NCOR2: variants seen among roughly 807,000 people sequenced by gnomAD.
The protein encoded by NCOR2 is CTG repeat protein 26.
Under a neutral mutation model 262.9 loss-of-function variants are expected in NCOR2, and 81 were observed. The observed-to-expected ratio is 0.31, with a 90% CI of 0.26 to 0.37. NCOR2 has a LOEUF of 0.37. NCOR2 is among the 10% of genes least tolerant of loss of function. The pLI, the probability that NCOR2 is intolerant of heterozygous loss-of-function variation, is 1.00. For synonymous variants in NCOR2, 1,659 were observed against 1,559.3 expected (o/e 1.06, Z -1.51); for missense variants, 3,385 against 3,621.4 (o/e 0.93, Z 1.68).
chr12:124,352,424 A>T (rs989028685), intron 27 of NCOR2, among the ~76,000 whole-genome samples: 1 of 133,864 alleles, frequency 7.5e-6, no homozygotes, highest in Non-Finnish European at 1.6e-5. Context: ...CCCAGGCTGG[A>T]GTGCAGAACA....
Position 124,362,333 on chromosome 12 carries a change from G to C in NCOR2, c.2929-36C>G, listed in dbSNP as rs774460500. 5.3e-6 allele frequency: 7 copies of C among 1,332,080 alleles called. No homozygotes were observed. In the Admixed American group the frequency reaches 1.8e-4, roughly 35 times the overall value. The allele number at this position is 1,332,080 out of a possible 1,614,324, so 82.5% of individuals were successfully genotyped here. A position where few individuals can be genotyped will look rare whatever the true frequency, so the allele number is the denominator to read the frequency against. The stretch of plus-strand genomic sequence containing the variant: ...CAGGCAGAAGTGAGCATTCACAGAG[G>C]GTGTCTGAAAGTGACAGGGTCAGGG... On this transcript the variant is annotated intron_variant, in intron 21 of 46. Coordinates refer to ENST00000405201, the Ensembl canonical transcript of NCOR2.
intron 6 of NCOR2, among the ~76,000 whole-genome samples, chr12:124,450,250 C>T (rs776949299): frequency 2.0e-5 from 3 of 152,240 alleles, no homozygotes; most frequent in Non-Finnish European, 4.4e-5. Context: ...ACCATGGAAA[C>T]GCGCGTCCCA....
intron 7 of NCOR2, among the ~76,000 whole-genome samples, chr12:124,446,817 A>C (rs2045204008): frequency 6.6e-6 from 1 of 152,262 alleles, no homozygotes; most frequent in Non-Finnish European, 1.5e-5. Context: ...AGGACAAATC[A>C]GTTCCAACAA....
chr12:124,356,770 T>C, exon 23 of NCOR2: 1 of 1,481,196 alleles, frequency 6.8e-7, no homozygotes, highest in Non-Finnish European at 8.9e-7. Context: ...CTTCTGGGCC[T>C]CGGCTGCGAA....
chr12:124,499,040 G>A (rs984612827), upstream of NCOR2, among the ~76,000 whole-genome samples: 7 of 152,256 alleles, frequency 4.6e-5, no homozygotes, highest in African/African-American at 1.7e-4. Flanking sequence ...GTGATGCAAA[G>A]GTTTTGAAAC....
In NCOR2 at chr12:124,503,896, G is replaced by A. The variant is rs866309206; in HGVS notation, c.-117-8528C>T. Among the ~76,000 whole-genome samples, 2 of 152,154 alleles carry A rather than the reference G, an allele frequency of 1.3e-5. No homozygotes were observed. Among genetic ancestry groups the A allele is most frequent in the Middle Eastern group, 3.2e-3 (1 of 316 alleles). ...CCAGGGCCAAGCATGTCTTCATCCTGCTAATATTCCCAGGCCCTCCCACAT... is the reference window on the plus strand; with the variant it reads ...CCAGGGCCAAGCATGTCTTCATCCTACTAATATTCCCAGGCCCTCCCACAT... On this transcript the variant is annotated intron_variant, in intron 1 of 46. Coordinates refer to the NCOR2 transcript ENST00000404621. This position sits in a 1 kb window ranked among gnomAD's most constrained non-coding sequence, Gnocchi z 4.3.
Position 124,454,866 on chromosome 12 carries a change from C to T in NCOR2, c.762+2240G>A, listed in dbSNP as rs1236078598. 6.6e-6 allele frequency among the ~76,000 whole-genome samples: 1 copy of T among 152,196 alleles called. No homozygotes were observed. Among genetic ancestry groups the T allele is most frequent in the Admixed American group, 6.5e-5 (1 of 15,280 alleles). ...AACGGCACACTAATGTTCACAGCAA[C>T]TTTATTCACAATACCCCAAATATGC... On this transcript the variant is annotated intron_variant, in intron 6 of 46. Transcript: ENST00000405201. The surrounding 1 kb of genome is among the most constrained non-coding windows in gnomAD (Gnocchi z 5.6).
chr12:124,361,911 A>G (rs2038618491), intron 22 of NCOR2, among the ~76,000 whole-genome samples: 1 of 152,268 alleles, frequency 6.6e-6, no homozygotes, highest in Non-Finnish European at 1.5e-5. Context: ...CAAGGCCAAT[A>G]CGTGCCCACT....
intron 16 of NCOR2, among the ~76,000 whole-genome samples, chr12:124,393,200 C>T (rs1440250613): frequency 2.6e-5 from 4 of 152,188 alleles, no homozygotes; most frequent in East Asian, 1.9e-4. Context: ...CCAGGGGAAC[C>T]GAGTCCCTCA....
At chr12:124,472,248 A>G (rs1007787638) in intron 4 of NCOR2, among the ~76,000 whole-genome samples, 1 of 152,260 alleles carries the variant, frequency 6.6e-6, no homozygotes, top group African/African-American at 2.4e-5. Context: ...CATATTTAAA[A>G]CAAAGTTATA....
In NCOR2 at chr12:124,517,281, G is replaced by C. The variant is rs1415612071; in HGVS notation, c.-118+18284C>G. ...CTCCCTTCCCCAGCCTGGGCTCAGA[G>C]GTCCCCAGGAGCCATTCCCGCCACC... On this transcript the variant is annotated intron_variant, in intron 1 of 46. Transcript: ENST00000404621. The surrounding 1 kb of genome is among the most constrained non-coding windows in gnomAD (Gnocchi z 7.6). Among the ~76,000 whole-genome samples the C allele has an allele frequency of 6.6e-6, 1 of 152,108 alleles. No homozygotes were observed. Among genetic ancestry groups the C allele is most frequent in the African/African-American group, 2.4e-5 (1 of 41,414 alleles).
intron 1 of NCOR2, among the ~76,000 whole-genome samples, chr12:124,564,756 G>A (rs1038875632): frequency 5.9e-5 from 9 of 152,152 alleles, no homozygotes; most frequent in African/African-American, 2.2e-4. Context: ...GATGGGGGTT[G>A]GGAACACAGA....
Position 124,374,607 on chromosome 12 carries a change from C to T in NCOR2, c.2168-144G>A, listed in dbSNP as rs979645489. 2.3e-5 allele frequency: 18 copies of T among 795,656 alleles called. No homozygotes were observed. The Admixed American group carries it at 3.8e-4, about 17-fold the overall frequency. The allele number at this position is 795,656 out of a possible 1,614,324, so 49.3% of individuals were successfully genotyped here. On this transcript the variant is annotated intron_variant, in intron 18 of 46. Coordinates refer to ENST00000405201, the Ensembl canonical transcript of NCOR2. ...GCTGCTCGCTCTCCTGCCCCGACTG[C>T]CCTTCTCCATGGACCGATGAGCCCT...
At chr12:124,490,470 G>A (rs948896005) in intron 1 of NCOR2, among the ~76,000 whole-genome samples, 2 of 144,552 alleles carry the variant, frequency 1.4e-5, no homozygotes, top group African/African-American at 2.5e-5. Flanking sequence ...GGATCTCCCA[G>A]CATGGGAGCT....
At chr12:124,328,960 T>G (rs539063190) in intron 44 of NCOR2, 22 of 335,620 alleles carry the variant, frequency 6.6e-5, no homozygotes, top group Non-Finnish European at 1.1e-4. Context: ...GCCATGTGCA[T>G]GAAGAAAAAG....
intron 15 of NCOR2, among the ~76,000 whole-genome samples, chr12:124,399,134 G>A (rs3782260): frequency 0.13 from 19,489 of 151,438 alleles, 1,719 homozygotes; most frequent in East Asian, 0.46. Context: ...GAGGGGAGAC[G>A]GCCCCCACCC....
intron 8 of NCOR2, among the ~76,000 whole-genome samples, chr12:124,431,483 CACACAGATATAT>C (rs2043928232): frequency 6.7e-6 from 1 of 148,348 alleles, no homozygotes; most frequent in African/African-American, 2.5e-5. Context: ...GAGACACACA[CACACAGATATAT>C]ACACAGGCAC....
Position 124,531,980 on chromosome 12 carries a change from T to C in NCOR2, c.-118+3585A>G, listed in dbSNP as rs2050814803. On this transcript the variant is annotated intron_variant, in intron 1 of 46. Transcript: ENST00000404621. The surrounding 1 kb of genome is among the most constrained non-coding windows in gnomAD (Gnocchi z 4.5). ...GGGCTCCCACAGCCCCCTTCTAAGG[T>C]CCTAGGTCCGCAGGGAAGAGTGTAC... 6.6e-6 allele frequency among the ~76,000 whole-genome samples: 1 copy of C among 151,832 alleles called. No individual in the cohort carries two copies. Among genetic ancestry groups the C allele is most frequent in the Non-Finnish European group, 1.5e-5 (1 of 67,942 alleles).
chr12:124,560,461 T>C (rs2052031139), intron 1 of NCOR2, among the ~76,000 whole-genome samples: 1 of 152,266 alleles, frequency 6.6e-6, no homozygotes, highest in South Asian at 2.1e-4. Context: ...ATTCTCAGCT[T>C]GTGCACCATA....
Sources: gnomAD v4.1 joint callset for allele counts (sites outside exome capture counted in the v4.1 genomes callset) on GRCh38, gnomAD v4.1.1 for gene constraint, Gnocchi (gnomAD v3.1) non-coding constraint, MANE v1.5 for transcripts, NCBI Gene and HGNC (gene_info 2026-07-23, HGNC 2026-07-21) for gene names.